The following ESYT2 variants were observed in gnomAD, a reference collection of about 807,000 sequenced individuals.
ESYT2 encodes the protein extended synaptotagmin 2, also known as extended synaptotagmin-2.
A neutral mutation model predicts 107.2 loss-of-function variants in ESYT2; 54 were observed. The observed-to-expected ratio is 0.50, with a 90% CI of 0.40 to 0.63. The LOEUF is 0.63. ESYT2 is among the 30% of genes least tolerant of loss of function. The pLI is 0.00. For missense variants in ESYT2, 1,020 were observed against 1,094.5 expected (o/e 0.93, Z 0.96); for synonymous variants, 491 against 434.1 (o/e 1.13, Z -1.63).
At chr7:158,736,614 T>C (rs1836962080) in intron 20 of ESYT2, among the ~76,000 whole-genome samples, 1 of 152,228 alleles carries the variant, frequency 6.6e-6, no homozygotes, top group Non-Finnish European at 1.5e-5. Flanking sequence ...TTCATTATGT[T>C]TTTTATTTTT....
chr7:158,792,543 A>C (rs967508850), intron 4 of ESYT2, among the ~76,000 whole-genome samples: 1 of 149,762 alleles, frequency 6.7e-6, no homozygotes, highest in African/African-American at 2.5e-5. Flanking sequence ...CAAAAAAAAA[A>C]CCAACCAAAC....
At chr7:158,769,337 C>T (rs918850982) in intron 7 of ESYT2, among the ~76,000 whole-genome samples, 2 of 152,206 alleles carry the variant, frequency 1.3e-5, no homozygotes, top group Non-Finnish European at 2.9e-5. Context: ...GTGTTCACCA[C>T]GCAGAGGCAG....
intron 2 of ESYT2, 133 bp downstream of exon 2, chr7:158,798,898 G>C (rs13222407): frequency 0.11 from 78,808 of 740,044 alleles, 4,466 homozygotes; most frequent in African/African-American, 0.13. Flanking sequence ...GAGGTCTTTG[G>C]GGACCAGAAG....
At chr7:158,821,198 G>A (rs979049278) in intron 1 of ESYT2, among the ~76,000 whole-genome samples, 1 of 152,186 alleles carries the variant, frequency 6.6e-6, no homozygotes, top group Non-Finnish European at 1.5e-5. Flanking sequence ...TGGAAAAAAT[G>A]ATCCCATGCA....
chr7:158,764,661 AG>A lies in ESYT2; in HGVS notation c.1101+15del. On this transcript the variant is annotated intron_variant, in intron 9 of 22. Coordinates refer to ENST00000275418, the MANE Select transcript of ESYT2 (RefSeq NM_001367773.1). Reference sequence around the variant, plus strand: ...CAGCCCACCACCCCAGCAACACAGCAGACACGACACCCCACCTCATAGACTT... The same window carrying A: ...CAGCCCACCACCCCAGCAACACAGCAACACGACACCCCACCTCATAGACTT... 5 of 1,611,980 alleles carry A rather than the reference AG, an allele frequency of 3.1e-6. No homozygotes were observed. Among genetic ancestry groups the A allele is most frequent in the Non-Finnish European group, 4.2e-6 (5 of 1,178,736 alleles).
chr7:158,754,231 G>A (rs1159717989), intron 13 of ESYT2, among the ~76,000 whole-genome samples: 10 of 151,892 alleles, frequency 6.6e-5, no homozygotes, highest in African/African-American at 2.2e-4. Flanking sequence ...TTTTTGAGAC[G>A]GAGTCTTGCT....
At chr7:158,786,559 G>A (rs1325550522) in intron 6 of ESYT2, among the ~76,000 whole-genome samples, 3 of 152,020 alleles carry the variant, frequency 2.0e-5, no homozygotes, top group Non-Finnish European at 1.5e-5. Context: ...ACTTAAAATC[G>A]ATTCAAAATA....
chr7:158,767,343 G>A (rs796584165), intron 8 of ESYT2, among the ~76,000 whole-genome samples: 18 of 152,300 alleles, frequency 1.2e-4, no homozygotes, highest in African/African-American at 4.1e-4. Context: ...AATGCAGTAT[G>A]TGCTTTCTGA....
intron 6 of ESYT2, among the ~76,000 whole-genome samples, chr7:158,774,775 G>A (rs1838491668): frequency 6.6e-6 from 1 of 152,196 alleles, no homozygotes; most frequent in Non-Finnish European, 1.5e-5. Flanking sequence ...ACAGAATCTT[G>A]CATTTGACTC....
Position 158,759,546 on chromosome 7 carries a change from G to A in ESYT2, c.1359C>T (p.Ala453=), listed in dbSNP as rs1265255759. 1.9e-6 allele frequency: 3 copies of A among 1,612,646 alleles called. No individual in the cohort carries two copies. The highest frequency in any genetic ancestry group is 2.5e-6 in the Non-Finnish European group (3 of 1,178,826). ...LTDIKADKDQ[A]NDGLSSALLI... is the part of the protein sequence containing the mutation. ...GCAATGCAGAGGAAAGACCATCGTTGGCTTGGTCTTTGTCAGCTTTGATGT... is the reference window on the plus strand; with the variant it reads ...GCAATGCAGAGGAAAGACCATCGTTAGCTTGGTCTTTGTCAGCTTTGATGT... The change falls in exon 13 of 23, where the codon GCC becomes GCT. Residue 453 remains alanine (A), a synonymous_variant. Transcript: ENST00000275418.
intron 6 of ESYT2, among the ~76,000 whole-genome samples, chr7:158,783,293 C>T (rs1386118924): frequency 6.6e-6 from 1 of 152,160 alleles, no homozygotes; most frequent in Non-Finnish European, 1.5e-5. Context: ...GTTCCCTAAT[C>T]CGTTGTGACG....
Position 158,799,057 on chromosome 7 carries a change from T to C in ESYT2, c.346A>G (p.Thr116Ala), listed in dbSNP as rs1174344312. 6 of 1,613,748 alleles carry C rather than the reference T, an allele frequency of 3.7e-6. No individual in the cohort carries two copies. The highest frequency in any genetic ancestry group is 5.1e-6 in the Non-Finnish European group (6 of 1,179,716). ...TTATTTAGCCATTCTGCTCTTTCAG[T>C]GTCTGGAAAATGAACCTAGGAGGAA... ...DLPAWVHFPD[T>A]ERAEWLNKTV... Residue 116 changes from threonine (T) to alanine (A), a missense_variant, in exon 2 of 23, where the codon ACT becomes GCT. Thr to Ala is a moderately conservative substitution (Grantham distance 58). Coordinates refer to ENST00000275418, the MANE Select transcript of ESYT2 (RefSeq NM_001367773.1).
chr7:158,798,964 T>C (rs1177689351), intron 2 of ESYT2, 67 bp downstream of exon 2: 1 of 1,499,236 alleles, frequency 6.7e-7, no homozygotes, highest in Non-Finnish European at 9.2e-7. Context: ...AATCCCCAAA[T>C]ATGGAAAGAT....
At position 158,748,188 on chromosome 7, in the gene ESYT2, A is replaced by G; in HGVS notation, c.1644+6T>C. On this transcript the variant is annotated splice_donor_region_variant and intron_variant, in intron 16 of 22. Transcript: ENST00000275418. ...ATAAATTGGTTAAAAAATGCAAATA[A>G]AATACCTCAACTTCAAGGTCCTGGC... is the stretch of plus-strand genomic sequence containing the variant. 1 of 1,612,894 alleles carries G rather than the reference A, an allele frequency of 6.2e-7. No homozygotes were observed. Among genetic ancestry groups the G allele is most frequent in the Non-Finnish European group, 8.5e-7 (1 of 1,179,500 alleles).
chr7:158,791,199 C>T (rs1221268678), intron 4 of ESYT2, among the ~76,000 whole-genome samples: 2 of 152,200 alleles, frequency 1.3e-5, no homozygotes, highest in East Asian at 1.9e-4. Context: ...ATTATGCAGA[C>T]GCTGTCCCTT....
chr7:158,812,973 T>C lies in ESYT2; in HGVS notation c.331-13901A>G, dbSNP rs774525718. Among the ~76,000 whole-genome samples the C allele has an allele frequency of 3.9e-4, 59 of 152,308 alleles. 1 individual carries two copies. Among genetic ancestry groups the C allele is most frequent in the Non-Finnish European group, 7.9e-4 (54 of 68,030 alleles). On this transcript the variant is annotated intron_variant, in intron 1 of 22. Coordinates refer to ENST00000275418, the MANE Select transcript of ESYT2 (RefSeq NM_001367773.1). ...AATGGGCACAAAACAGGGTTCCTTT[T>C]AGGGCAGAGAAAATGTTTTGGAACC...
At chr7:158,739,616 G>A (rs942820231) in intron 18 of ESYT2, among the ~76,000 whole-genome samples, 1 of 152,194 alleles carries the variant, frequency 6.6e-6, no homozygotes, top group African/African-American at 2.4e-5. Flanking sequence ...CCAAAGTGCT[G>A]GGATTACAGG....
At chr7:158,788,443 A>C (rs767148375) in intron 4 of ESYT2, 26 bp from the exon 5 acceptor site, 1 of 1,569,728 alleles carries the variant, frequency 6.4e-7, no homozygotes, top group African/African-American at 1.4e-5. Flanking sequence ...GCATTACATG[A>C]TGTAAGTGAA....
chr7:158,736,540 C>T (rs760113018), intron 20 of ESYT2, among the ~76,000 whole-genome samples: 1 of 152,194 alleles, frequency 6.6e-6, no homozygotes, highest in Non-Finnish European at 1.5e-5. Context: ...AAGCAGGCTC[C>T]AGCCCCTCTT....
Sources: allele counts gnomAD v4.1 joint callset (sites outside exome capture counted in the v4.1 genomes callset), GRCh38; gene constraint gnomAD v4.1.1; transcripts MANE v1.5; gene names NCBI Gene and HGNC (gene_info 2026-07-23, HGNC 2026-07-21).